The following CUEDC1 variants were observed in gnomAD, a reference collection of about 807,000 sequenced individuals.
CUEDC1 encodes CUE domain containing 1.
In CUEDC1, 30 loss-of-function variants were observed where a neutral mutation model predicts 43.7. The ratio of observed to expected loss-of-function variants is 0.69; its 90% confidence interval spans 0.51 to 0.93. The LOEUF (loss-of-function observed/expected upper bound fraction) is 0.93, where lower values mean the gene tolerates loss of function less well. Ranked by LOEUF, CUEDC1 falls within the 40% of genes least tolerant of loss-of-function variation. The probability of loss-of-function intolerance (pLI) is 0.00; values close to 1 mark genes in which losing one functional copy is unlikely to be tolerated. For missense variants in CUEDC1, 486 were observed against 549.0 expected (o/e 0.89, Z 1.15); for synonymous variants, 223 against 223.6 (o/e 1.00, Z 0.02).
At chr17:57,867,099 A>T in intron 9 of CUEDC1, 1 of 563,906 alleles carries the variant, frequency 1.8e-6, no homozygotes, top group Non-Finnish European at 3.2e-6. Flanking sequence ...TATTCCCCAG[A>T]AACAGTACCT....
rs764461292 is a variant in CUEDC1, at chr17:57,872,803, A to G, written c.644T>C (p.Met215Thr). The change falls in exon 5 of 11, where the codon ATG (methionine) becomes ACG (threonine). Residue 215 changes from methionine to threonine, a missense_variant. Transcript: ENST00000577830. ...PGSGEGCPPA[M>T]AGPGPGDQES... ...CTGGTCTCCGGGCCCTGGCCCAGCC[A>G]TGGCAGGTGGACATCCCTCTCCACT... 1.2e-6 allele frequency: 2 copies of G among 1,614,032 alleles called. No individual in the cohort carries two copies. The highest frequency in any genetic ancestry group is 1.7e-6 in the Non-Finnish European group (2 of 1,180,026).
At chr17:57,952,831 T>A (rs2075020699) in intron 1 of CUEDC1, among the ~76,000 whole-genome samples, 1 of 152,088 alleles carries the variant, frequency 6.6e-6, no homozygotes, top group African/African-American at 2.4e-5. Flanking sequence ...GTCTTCTCAG[T>A]CCCAAGGTAG....
At chr17:57,943,211 G>A (rs971599436) in intron 1 of CUEDC1, among the ~76,000 whole-genome samples, 31 of 152,156 alleles carry the variant, frequency 2.0e-4, no homozygotes, top group South Asian at 1.2e-3. Flanking sequence ...CAAAGCCCCT[G>A]GAGGGAACTC....
intron 3 of CUEDC1, among the ~76,000 whole-genome samples, chr17:57,875,991 C>T (rs1039370615): frequency 6.6e-6 from 1 of 152,128 alleles, no homozygotes; most frequent in African/African-American, 2.4e-5. Context: ...GGCCCTGCCT[C>T]TCTGTGCCCT....
At position 57,885,463 on chromosome 17, in the gene CUEDC1, G is replaced by C. The variant is rs751146198; in HGVS notation, c.102C>G (p.Asn34Lys). 6.3e-7 allele frequency: 1 copy of C among 1,592,402 alleles called. No individual in the cohort carries two copies. The highest frequency in any genetic ancestry group is 1.7e-5 in the Admixed American group (1 of 57,752). ...GCACCTGGCGGGCAGGCCGGCTGTTGTTGAGCTCCTGGGGGGCGGCCGTGC... is the reference window on the plus strand; with the variant it reads ...GCACCTGGCGGGCAGGCCGGCTGTTCTTGAGCTCCTGGGGGGCGGCCGTGC... ...GGGTAAPQELNNSRPARQVRR... is the reference protein window; with the variant it reads ...GGGTAAPQELKNSRPARQVRR... Residue 34 changes from asparagine (N) to lysine (K), a missense_variant, in exon 2 of 11, where the codon AAC becomes AAG. Transcript: ENST00000577830.
intron 9 of CUEDC1, chr17:57,866,823 C>G (rs2073965850): frequency 2.1e-6 from 1 of 468,372 alleles, no homozygotes; most frequent in South Asian, 2.3e-5. Flanking sequence ...GATGGAAAAG[C>G]TGGACTATCT....
chr17:57,876,467 A>G (rs1339942761), intron 3 of CUEDC1, among the ~76,000 whole-genome samples: 1 of 152,144 alleles, frequency 6.6e-6, no homozygotes, highest in Non-Finnish European at 1.5e-5. Context: ...CGGCTTCCCT[A>G]GACCCTGATC....
chr17:57,911,470 G>A (rs2074582290), intron 1 of CUEDC1, among the ~76,000 whole-genome samples: 1 of 152,046 alleles, frequency 6.6e-6, no homozygotes, highest in African/African-American at 2.4e-5. Flanking sequence ...TGTGTGGCTG[G>A]CTCTCCTTCA....
intron 1 of CUEDC1, among the ~76,000 whole-genome samples, chr17:57,896,479 C>G (rs2074409104): frequency 1.0e-5 from 1 of 97,594 alleles, no homozygotes; most frequent in African/African-American, 3.9e-5. Context: ...TACTATAGTG[C>G]ATTATGGGGT....
chr17:57,927,130 C>A (rs996569212), intron 1 of CUEDC1, among the ~76,000 whole-genome samples: 2 of 152,116 alleles, frequency 1.3e-5, no homozygotes, highest in African/African-American at 4.8e-5. Flanking sequence ...CCTTTAACTC[C>A]CTGCCATTCT....
At chr17:57,864,979 C>A (rs1268663133) in intron 10 of CUEDC1, among the ~76,000 whole-genome samples, 1 of 152,162 alleles carries the variant, frequency 6.6e-6, no homozygotes, top group Non-Finnish European at 1.5e-5. Flanking sequence ...ATCGCTTGAA[C>A]CTGAGAGGTG....
rs1013616203 is a variant in CUEDC1 at position 57,954,768 on chromosome 17, G to A, written c.-316+457C>T. 6.6e-6 allele frequency among the ~76,000 whole-genome samples: 1 copy of A among 152,084 alleles called. No homozygotes were observed. On this transcript the variant is annotated intron_variant, in intron 1 of 10. Transcript: ENST00000577830. This position sits in a 1 kb window ranked among gnomAD's most constrained non-coding sequence, Gnocchi z 4.3. ...CTCCCAGCAGGCGCCCCCGCCTGCC[G>A]TCGCCGCCCAGCCTGCGCCCCCAGG...
At chr17:57,875,411 TG>T (rs545392780) in intron 3 of CUEDC1, among the ~76,000 whole-genome samples, 34 of 152,284 alleles carry the variant, frequency 2.2e-4, no homozygotes, top group Admixed American at 5.9e-4. Flanking sequence ...GTTTCCTTGC[TG>T]CTAGGCCTGT....
chr17:57,866,581 T>C, intron 9 of CUEDC1, 37 bp from the exon 10 acceptor site: 3 of 1,609,926 alleles, frequency 1.9e-6, no homozygotes, highest in Non-Finnish European at 8.5e-7. Context: ...TCCTCTACCC[T>C]GCAGGGCCTC....
chr17:57,936,993 G>C (rs2074868892), intron 1 of CUEDC1, among the ~76,000 whole-genome samples: 1 of 151,860 alleles, frequency 6.6e-6, no homozygotes, highest in South Asian at 2.1e-4. Flanking sequence ...GCTAATTTTT[G>C]TATTTTTAGT....
At chr17:57,933,365 C>A (rs1406047780) in intron 1 of CUEDC1, among the ~76,000 whole-genome samples, 2 of 152,150 alleles carry the variant, frequency 1.3e-5, no homozygotes, top group Non-Finnish European at 2.9e-5. Context: ...GAAGCAGGAA[C>A]CATATCTTCT....
chr17:57,942,215 T>C (rs2074922959), intron 1 of CUEDC1, among the ~76,000 whole-genome samples: 1 of 151,892 alleles, frequency 6.6e-6, no homozygotes, highest in Non-Finnish European at 1.5e-5. Context: ...GGGCTGGGAG[T>C]GCTCACATCT....
chr17:57,925,760 T>C (rs78859112), intron 1 of CUEDC1, among the ~76,000 whole-genome samples: 3,487 of 152,182 alleles, frequency 0.023, 66 homozygotes, highest in Non-Finnish European at 0.028. Context: ...CATGTGCAAA[T>C]GTGAAGGAGG....
At chr17:57,888,643 G>A (rs934002713) in intron 1 of CUEDC1, among the ~76,000 whole-genome samples, 1 of 152,222 alleles carries the variant, frequency 6.6e-6, no homozygotes, top group African/African-American at 2.4e-5. Context: ...ATGCAGCTTC[G>A]CCTGGGCTCC....
Sources: gnomAD v4.1 joint callset for allele counts (sites outside exome capture counted in the v4.1 genomes callset) on GRCh38, gnomAD v4.1.1 for gene constraint, Gnocchi (gnomAD v3.1) non-coding constraint, MANE v1.5 for transcripts, NCBI Gene and HGNC (gene_info 2026-07-23, HGNC 2026-07-21) for gene names.